The following GCNT4 variants were observed in gnomAD, a reference collection of about 807,000 sequenced individuals.
GCNT4 encodes beta-1,3-galactosyl-O-glycosyl-glycoprotein beta-1,6-N-acetylglucosaminyltransferase 4.
Under a neutral mutation model 31.3 loss-of-function variants are expected in GCNT4, and 17 were observed. That is an observed-to-expected ratio of 0.54 (90% CI 0.37 to 0.81). The LOEUF is 0.81. Ranked by LOEUF, GCNT4 falls within the 40% of genes least tolerant of loss-of-function variation. The pLI, the probability that GCNT4 is intolerant of heterozygous loss-of-function variation, is 0.00. For synonymous variants in GCNT4, 158 were observed against 190.6 expected, an observed-to-expected ratio of 0.83 and a Z score of 1.41; for missense variants, 503 against 525.5, an observed-to-expected ratio of 0.96 and a Z score of 0.42.
At chr5:75,037,750 C>T (rs572123494) in intron 3 of GCNT4, among the ~76,000 whole-genome samples, 2 of 151,998 alleles carry the variant, frequency 1.3e-5, no homozygotes, top group South Asian at 4.2e-4. Context: ...TGGTGGCACA[C>T]ACCTGTAATC....
intron 2 of GCNT4, among the ~76,000 whole-genome samples, chr5:75,048,897 C>G (rs1264182311): frequency 6.6e-6 from 1 of 152,186 alleles, no homozygotes; most frequent in Non-Finnish European, 1.5e-5. Flanking sequence ...AAAGCTGGCT[C>G]TAAATATTTA....
upstream of GCNT4, among the ~76,000 whole-genome samples, chr5:75,053,663 C>T (rs1743641887): frequency 6.6e-6 from 1 of 152,016 alleles, no homozygotes; most frequent in South Asian, 2.1e-4. Flanking sequence ...GGGAGCCGCT[C>T]TCGCCCGGCC....
At chr5:75,035,210 G>A (rs1179584041) in intron 3 of GCNT4, among the ~76,000 whole-genome samples, 1 of 152,276 alleles carries the variant, frequency 6.6e-6, no homozygotes, top group Non-Finnish European at 1.5e-5. Context: ...ACTGCATTCA[G>A]GGCTAAATGG....
At chr5:75,032,861 T>G in intron 3 of GCNT4, among the ~76,000 whole-genome samples, 1 of 128,620 alleles carries the variant, frequency 7.8e-6, no homozygotes, top group Non-Finnish European at 1.8e-5. Context: ...GACTAATCAA[T>G]CCCAAATAGG....
chr5:75,041,912 T>C (rs1227703925), intron 3 of GCNT4, among the ~76,000 whole-genome samples: 1 of 152,226 alleles, frequency 6.6e-6, no homozygotes, highest in Admixed American at 6.5e-5. Flanking sequence ...TGTTTTGTAA[T>C]AGATTGTGAC....
At chr5:75,038,326 G>A (rs559811184) in intron 3 of GCNT4, among the ~76,000 whole-genome samples, 3 of 152,278 alleles carry the variant, frequency 2.0e-5, no homozygotes, top group South Asian at 4.1e-4. Context: ...AAGCCCAGAA[G>A]TGCAATATTA....
chr5:75,017,016 A>C, the GCNT4 span, among the ~76,000 whole-genome samples: 1 of 152,208 alleles, frequency 6.6e-6, no homozygotes, highest in African/African-American at 2.4e-5. Flanking sequence ...AGTAACAATT[A>C]ATCTCTGACA....
At chr5:75,053,514 C>G (rs1362408469), upstream of GCNT4, among the ~76,000 whole-genome samples, 1 of 152,134 alleles carries the variant, frequency 6.6e-6, no homozygotes, top group Non-Finnish European at 1.5e-5. Flanking sequence ...AGTCGACTTA[C>G]GAGAGGGAGC....
At chr5:75,043,461 G>T (rs1290577308) in intron 3 of GCNT4, among the ~76,000 whole-genome samples, 1 of 152,208 alleles carries the variant, frequency 6.6e-6, no homozygotes, top group Non-Finnish European at 1.5e-5. Flanking sequence ...TATTGTAGAG[G>T]AATAAAATAT....
intron 3 of GCNT4, among the ~76,000 whole-genome samples, chr5:75,043,953 A>G (rs2149972333): frequency 6.6e-6 from 1 of 152,340 alleles, no homozygotes; most frequent in Admixed American, 6.5e-5. Context: ...TGGAGGCTTT[A>G]GGTAAATATC....
Position 75,029,376 on chromosome 5 carries a change from T to C in GCNT4, c.662A>G (p.Lys221Arg), listed in dbSNP as rs1448202438. ...SDLLKSSIQWKYVINLCGQDF... is the reference protein window; with the variant it reads ...SDLLKSSIQWRYVINLCGQDF... ...TTGCCCACACAAGTTGATAACATAT[T>C]TCCACTGGATTGAAGACTTCAGAAG... Residue 221 changes from lysine (K) to arginine (R), a missense_variant, in exon 4 of 4, where the codon AAA becomes AGA. Coordinates refer to ENST00000652361, the MANE Select transcript of GCNT4 (RefSeq NM_001366737.1). 10 of 1,614,052 alleles carry C rather than the reference T, an allele frequency of 6.2e-6. No homozygotes were observed. The highest frequency in any genetic ancestry group is 8.5e-6 in the Non-Finnish European group (10 of 1,180,042).
chr5:75,034,453 T>C (rs1299974827), intron 3 of GCNT4, among the ~76,000 whole-genome samples: 1 of 152,156 alleles, frequency 6.6e-6, no homozygotes, highest in Non-Finnish European at 1.5e-5. Flanking sequence ...GGCCACATGG[T>C]TCCTAAGAGA....
chr5:75,037,512 AAATAAT>A (rs1294081451), intron 3 of GCNT4, among the ~76,000 whole-genome samples: 1 of 152,234 alleles, frequency 6.6e-6, no homozygotes, highest in African/African-American at 2.4e-5. Flanking sequence ...AGCATTTCTC[AAATAAT>A]AATAAGATAT....
downstream of GCNT4, among the ~76,000 whole-genome samples, chr5:75,025,044 T>C (rs947096432): frequency 2.0e-5 from 3 of 151,648 alleles, no homozygotes; most frequent in African/African-American, 4.8e-5. Flanking sequence ...ACCTACCCTA[T>C]TGAAAACTAC....
downstream of GCNT4, among the ~76,000 whole-genome samples, chr5:75,020,651 C>G (rs1742871208): frequency 6.6e-6 from 1 of 152,054 alleles, no homozygotes; most frequent in African/African-American, 2.4e-5. Flanking sequence ...AATCTAACCC[C>G]AAGCAGGACA....
At chr5:75,049,287 T>C (rs1250657236) in intron 2 of GCNT4, among the ~76,000 whole-genome samples, 1 of 152,252 alleles carries the variant, frequency 6.6e-6, no homozygotes, top group African/African-American at 2.4e-5. Flanking sequence ...ATTTTTCCTC[T>C]GGTCTTCTTC....
At chr5:75,018,724 A>G in the GCNT4 span, among the ~76,000 whole-genome samples, 1 of 152,224 alleles carries the variant, frequency 6.6e-6, no homozygotes, top group East Asian at 1.9e-4. Context: ...CTATAAATGA[A>G]CATCCACCAG....
chr5:75,020,304 G>A, the GCNT4 span, among the ~76,000 whole-genome samples: 3 of 152,218 alleles, frequency 2.0e-5, no homozygotes, highest in South Asian at 2.1e-4. Flanking sequence ...CACAGCTTGC[G>A]TGCTGCTGCC....
chr5:75,053,677 G>T (rs1419145015), upstream of GCNT4, among the ~76,000 whole-genome samples: 1 of 152,018 alleles, frequency 6.6e-6, no homozygotes, highest in East Asian at 2.0e-4. Flanking sequence ...CCCGGCCCGG[G>T]GTGGGAGAGC....
Sources: gnomAD v4.1 joint callset for allele counts (sites outside exome capture counted in the v4.1 genomes callset) on GRCh38, gnomAD v4.1.1 for gene constraint, MANE v1.5 for transcripts, NCBI Gene and HGNC (gene_info 2026-07-23, HGNC 2026-07-21) for gene names.